The following HIP1 variants were observed in gnomAD, a reference collection of about 807,000 sequenced individuals.
HIP1 encodes the protein huntingtin interacting protein 1, also known as huntingtin-interacting protein 1.
In HIP1, 65 loss-of-function variants were observed where a neutral mutation model predicts 147.6. That is an observed-to-expected ratio of 0.44 (90% CI 0.36 to 0.54). The LOEUF (loss-of-function observed/expected upper bound fraction) is 0.54. HIP1 is among the 20% of genes least tolerant of loss of function. The probability of loss-of-function intolerance (pLI) is 0.00; values close to 1 mark genes in which losing one functional copy is unlikely to be tolerated. For missense variants in HIP1, 1,061 were observed against 1,299.6 expected (o/e 0.82, Z 2.82); for synonymous variants, 479 against 504.0 (o/e 0.95, Z 0.67).
intron 1 of HIP1, among the ~76,000 whole-genome samples, chr7:75,612,174 C>G (rs1353982901): frequency 3.9e-5 from 6 of 152,134 alleles, no homozygotes; most frequent in Non-Finnish European, 7.4e-5. Context: ...AGAAGGAAAA[C>G]CTGAGAACAG....
intron 4 of HIP1, among the ~76,000 whole-genome samples, chr7:75,587,051 C>G (rs1426968631): frequency 6.6e-6 from 1 of 152,172 alleles, no homozygotes; most frequent in Non-Finnish European, 1.5e-5. Flanking sequence ...AGTGATTCTC[C>G]TGCCTCAGCC....
chr7:75,644,494 C>G (rs950624822), intron 1 of HIP1, among the ~76,000 whole-genome samples: 1 of 152,118 alleles, frequency 6.6e-6, no homozygotes, highest in Non-Finnish European at 1.5e-5. Context: ...GGGGCTTCAC[C>G]ATGTTGGCCA....
chr7:75,677,219 TAA>T (rs3973206), intron 1 of HIP1, among the ~76,000 whole-genome samples: 85,318 of 150,814 alleles, frequency 0.57, 24,576 homozygotes, highest in African/African-American at 0.66. Context: ...AAAATAAAAA[TAA>T]AAATAAAATA....
intron 1 of HIP1, among the ~76,000 whole-genome samples, chr7:75,662,674 T>A (rs1799356791): frequency 1.3e-5 from 2 of 151,998 alleles, no homozygotes; most frequent in Admixed American, 1.3e-4. Context: ...CCTGGCTAAT[T>A]TCTGTATTTT....
intron 2 of HIP1, among the ~76,000 whole-genome samples, chr7:75,595,957 G>A (rs782173065): frequency 1.3e-5 from 2 of 152,116 alleles, no homozygotes; most frequent in South Asian, 2.1e-4. Flanking sequence ...AGATAAATGC[G>A]CTGGGCATGG....
chr7:75,679,540 C>G (rs782598214), intron 1 of HIP1, among the ~76,000 whole-genome samples: 8 of 152,144 alleles, frequency 5.3e-5, no homozygotes, highest in Non-Finnish European at 1.0e-4. Flanking sequence ...CAGAGATTTA[C>G]TTTTTTACTT....
intron 1 of HIP1, among the ~76,000 whole-genome samples, chr7:75,682,275 G>C (rs1460980045): frequency 1.3e-5 from 2 of 151,346 alleles, no homozygotes; most frequent in African/African-American, 4.9e-5. Context: ...TTTTTTTTAA[G>C]AGACAGTGTC....
chr7:75,577,065 C>T (rs1349850596), intron 7 of HIP1, among the ~76,000 whole-genome samples: 1 of 152,076 alleles, frequency 6.6e-6, no homozygotes, highest in African/African-American at 2.4e-5. Flanking sequence ...GGGTTGGTGG[C>T]TCATGCCTAT....
At chr7:75,543,224 G>A (rs1443666230) in intron 27 of HIP1, among the ~76,000 whole-genome samples, 2 of 151,994 alleles carry the variant, frequency 1.3e-5, no homozygotes, top group East Asian at 3.9e-4. Context: ...GCCCAGTTGT[G>A]GAAACCAATT....
intron 8 of HIP1, 144 bp downstream of exon 8, chr7:75,573,617 G>A (rs1795729245): frequency 1.3e-6 from 1 of 790,890 alleles, no homozygotes; most frequent in Non-Finnish European, 2.0e-6. Context: ...TCCTCACAAT[G>A]GTCAGAAGCT....
chr7:75,716,979 C>A (rs920514657), intron 1 of HIP1, among the ~76,000 whole-genome samples: 2 of 152,036 alleles, frequency 1.3e-5, no homozygotes, highest in Admixed American at 1.3e-4. Context: ...CCACACCCAG[C>A]TAATTTTTAA....
chr7:75,647,575 A>T (rs1798843545), intron 1 of HIP1, among the ~76,000 whole-genome samples: 2 of 152,228 alleles, frequency 1.3e-5, no homozygotes, highest in Admixed American at 1.3e-4. Context: ...GAAGGGACAC[A>T]TGAAAGGCGG....
chr7:75,601,283 C>G (rs984429608), intron 1 of HIP1, among the ~76,000 whole-genome samples: 12 of 151,272 alleles, frequency 7.9e-5, no homozygotes, highest in Non-Finnish European at 1.5e-5. Flanking sequence ...CAGACTAACA[C>G]CTGGTTTTGA....
At chr7:75,681,497 CTTTTTTTTT>C (rs10546838) in intron 1 of HIP1, among the ~76,000 whole-genome samples, 3 of 124,302 alleles carry the variant, frequency 2.4e-5, no homozygotes, top group East Asian at 2.5e-4. Context: ...ACAGCACCTG[CTTTTTTTTT>C]TTTTTTTTTT....
At chr7:75,679,445 C>T (rs543310623) in intron 1 of HIP1, among the ~76,000 whole-genome samples, 1 of 152,340 alleles carries the variant, frequency 6.6e-6, no homozygotes, top group Non-Finnish European at 1.5e-5. Flanking sequence ...CTCAAGTGAT[C>T]CTCAGGCCTT....
At chr7:75,599,075 G>T in intron 2 of HIP1, 109 bp downstream of exon 2, 1 of 790,934 alleles carries the variant, frequency 1.3e-6, no homozygotes, top group South Asian at 1.4e-5. Context: ...CCTGGCCTGT[G>T]CAGGGTTGCC....
intron 14 of HIP1, 22 bp downstream of exon 14, chr7:75,559,710 C>T: frequency 2.0e-6 from 2 of 1,003,648 alleles, no homozygotes; most frequent in Non-Finnish European, 2.9e-6. Context: ...GGGGCCCGCC[C>T]CCGCCCCCAC....
chr7:75,681,497 C>CTTTTTTT, intron 1 of HIP1, among the ~76,000 whole-genome samples: 1 of 124,272 alleles, frequency 8.0e-6, no homozygotes, highest in Non-Finnish European at 1.7e-5. Context: ...ACAGCACCTG[C>CTTTTTTT]TTTTTTTTTT....
intron 1 of HIP1, among the ~76,000 whole-genome samples, chr7:75,599,626 G>A (rs1482411400): frequency 6.6e-6 from 1 of 152,138 alleles, no homozygotes; most frequent in Non-Finnish European, 1.5e-5. Flanking sequence ...ATCAGGGAGC[G>A]ACCGTGGCCC....
Sources: allele counts gnomAD v4.1 joint callset (sites outside exome capture counted in the v4.1 genomes callset), GRCh38; gene constraint gnomAD v4.1.1; transcripts MANE v1.5; gene names NCBI Gene and HGNC (gene_info 2026-07-23, HGNC 2026-07-21).